Variants in HTT observed in about 807,000 individuals in gnomAD.
The protein encoded by HTT is huntington disease protein.
Under a neutral mutation model 362.3 loss-of-function variants are expected in HTT, and 104 were observed. The ratio of observed to expected loss-of-function variants is 0.29; its 90% CI spans 0.24 to 0.34. The LOEUF (loss-of-function observed/expected upper bound fraction) is 0.34, where lower values mean the gene tolerates loss of function less well. HTT is among the 10% of genes least tolerant of loss of function. HTT has a pLI of 1.00. For synonymous variants in HTT, 1,577 were observed against 1,548.7 expected (o/e 1.02, Z -0.43); for missense variants, 3,301 against 3,928.6 (o/e 0.84, Z 4.27).
Position 3,235,607 on chromosome 4 carries a change from T to C in HTT, c.8614T>C (p.Ser2872Pro). 1 of 1,613,882 alleles carries C rather than the reference T, an allele frequency of 6.2e-7. No individual in the cohort carries two copies. The highest frequency in any genetic ancestry group is 8.5e-7 in the Non-Finnish European group (1 of 1,180,008). Residue 2872 changes from serine to proline, a missense_variant, in exon 63 of 67, where the codon TCC (serine) becomes CCC (proline). Physicochemically the swap from Ser to Pro is moderately conservative, Grantham distance 74 (BLOSUM62 -1). This residue lies in a region of HTT where 753 missense variants were observed against 1,021.3 expected (regional missense o/e 0.74). Coordinates refer to ENST00000355072, the MANE Select transcript of HTT (RefSeq NM_001388492.1). ...MLSGSEESTP[S>P]IIYHCALRGL... ...GTCTGGAAGTGAGGAGTCCACCCCC[T>C]CCATCATTTACCACTGTGCCCTCAG...
At chr4:3,099,150 T>G (rs1403907120) in intron 2 of HTT, 124 bp from the exon 3 acceptor site, 2 of 622,698 alleles carry the variant, frequency 3.2e-6, no homozygotes, top group East Asian at 5.6e-5. Flanking sequence ...CAGATTTTCT[T>G]AATTTCTATG....
At chr4:3,121,459 AC>A (rs759397453) in intron 9 of HTT, 27 bp downstream of exon 9, 34 of 1,524,070 alleles carry the variant, frequency 2.2e-5, no homozygotes, top group South Asian at 4.5e-5. Flanking sequence ...GTCTACTCTT[AC>A]AATTAACTTT....
chr4:3,230,624 T>A (rs1408830352), intron 60 of HTT, among the ~76,000 whole-genome samples: 1 of 152,216 alleles, frequency 6.6e-6, no homozygotes, highest in African/African-American at 2.4e-5. Flanking sequence ...AGTGGAAATT[T>A]ACTTCTCACC....
chr4:3,160,013 G>T (rs1223045114), intron 28 of HTT, among the ~76,000 whole-genome samples: 1 of 152,136 alleles, frequency 6.6e-6, no homozygotes, highest in Non-Finnish European at 1.5e-5. Context: ...CATTATGAAA[G>T]AAAGTTAGGA....
intron 49 of HTT, among the ~76,000 whole-genome samples, chr4:3,213,619 CAG>C (rs1720263074): frequency 6.6e-6 from 1 of 152,350 alleles, no homozygotes; most frequent in East Asian, 1.9e-4. Context: ...CAACCTATGA[CAG>C]AGGCAAGCCC....
chr4:3,233,944 TGGGCCCA>T (rs1297425196), intron 61 of HTT, among the ~76,000 whole-genome samples: 2 of 152,208 alleles, frequency 1.3e-5, no homozygotes, highest in Non-Finnish European at 2.9e-5. Context: ...TTAGCAGAGA[TGGGCCCA>T]GCCTCTCTGA....
At chr4:3,080,768 A>T (rs1712852219) in intron 1 of HTT, among the ~76,000 whole-genome samples, 1 of 152,206 alleles carries the variant, frequency 6.6e-6, no homozygotes, top group South Asian at 2.1e-4. Context: ...TAATTTTTAT[A>T]TATGGTTCAG....
chr4:3,094,045 C>T (rs991776222), intron 2 of HTT, among the ~76,000 whole-genome samples: 2 of 150,942 alleles, frequency 1.3e-5, no homozygotes, highest in Non-Finnish European at 2.9e-5. Flanking sequence ...TCTGGTTTTC[C>T]TAGGCAGAGG....
intron 65 of HTT, 56 bp downstream of exon 65, chr4:3,238,665 T>C: frequency 2.0e-6 from 3 of 1,536,368 alleles, no homozygotes; most frequent in Non-Finnish European, 2.7e-6. Flanking sequence ...TGGAGTTGCC[T>C]CCGACTTCCC....
intron 25 of HTT, among the ~76,000 whole-genome samples, chr4:3,147,416 C>T (rs1258126165): frequency 6.6e-6 from 1 of 152,048 alleles, no homozygotes; most frequent in East Asian, 1.9e-4. Flanking sequence ...GGTGTAGCAC[C>T]TTGGCGATGA....
chr4:3,109,066 A>AT (rs1255037352), intron 6 of HTT, among the ~76,000 whole-genome samples: 3,478 of 83,950 alleles, frequency 0.041, 113 homozygotes, highest in Admixed American at 0.15. Context: ...AAAAAAAAAA[A>AT]ATATATATAT....
chr4:3,089,316 C>T lies in HTT; in HGVS notation c.347+2294C>T, dbSNP rs188332700. Among the ~76,000 whole-genome samples, 259 of 152,018 alleles carry T rather than the reference C, an allele frequency of 1.7e-3. 3 individuals carry two copies. Among genetic ancestry groups the T allele is most frequent in the Middle Eastern group, 3.4e-3 (1 of 294 alleles). On this transcript the variant is annotated intron_variant, in intron 2 of 66. Transcript: ENST00000355072. ...TTGCCCAGGCTAGAGTGCAGTGGTG[C>T]AATCTCAGCTCACTGCAAGCTCCAC...
intron 2 of HTT, among the ~76,000 whole-genome samples, chr4:3,094,900 G>A (rs1012852613): frequency 5.3e-5 from 8 of 151,692 alleles, no homozygotes; most frequent in Non-Finnish European, 8.8e-5. Flanking sequence ...AGTCACGGCC[G>A]GGCAGAGGTG....
intron 42 of HTT, among the ~76,000 whole-genome samples, chr4:3,205,716 C>G (rs908667863): frequency 7.9e-5 from 12 of 152,078 alleles, no homozygotes; most frequent in Non-Finnish European, 1.6e-4. Context: ...GCACATATTT[C>G]AAAACCTGAA....
intron 29 of HTT, among the ~76,000 whole-genome samples, chr4:3,162,574 A>G (rs916484614): frequency 2.0e-5 from 3 of 152,060 alleles, no homozygotes; most frequent in Non-Finnish European, 4.4e-5. Flanking sequence ...ATGTTTTTCT[A>G]TTTGTTTGTG....
intron 26 of HTT, among the ~76,000 whole-genome samples, chr4:3,150,402 T>C (rs537442472): frequency 2.0e-5 from 3 of 152,252 alleles, no homozygotes; most frequent in East Asian, 1.9e-4. Flanking sequence ...CTGTCTTCAG[T>C]GTCTAGATGA....
chr4:3,075,623 G>A (rs916468742), intron 1 of HTT, among the ~76,000 whole-genome samples: 2 of 138,326 alleles, frequency 1.4e-5, no homozygotes, highest in Admixed American at 7.2e-5. Flanking sequence ...ATGCTTTTAG[G>A]ACGCCTCGGC....
At chr4:3,094,894 A>ACGGCCGGGCAG (rs1713757617) in intron 2 of HTT, among the ~76,000 whole-genome samples, 1 of 145,346 alleles carries the variant, frequency 6.9e-6, no homozygotes, top group Admixed American at 6.8e-5. Flanking sequence ...AGACGGAGTC[A>ACGGCCGGGCAG]CGGCCGGGCA....
At chr4:3,094,686 GA>G (rs541406012) in intron 2 of HTT, among the ~76,000 whole-genome samples, 2 of 122,710 alleles carry the variant, frequency 1.6e-5, no homozygotes, top group African/African-American at 7.9e-5. Context: ...CCACCTCCCG[GA>G]CGGGGCGGCT....
Sources: gnomAD v4.1 joint callset for allele counts (sites outside exome capture counted in the v4.1 genomes callset) on GRCh38, gnomAD v4.1.1 for gene constraint, gnomAD v4.1.1 regional missense constraint, MANE v1.5 for transcripts, NCBI Gene and HGNC (gene_info 2026-07-23, HGNC 2026-07-21) for gene names.